PHF21A: variants seen among roughly 807,000 people sequenced by gnomAD.
PHF21A encodes PHD finger protein 21A.
In PHF21A, 11 loss-of-function variants were observed where a neutral mutation model predicts 82.5. The observed-to-expected ratio is 0.13, with a 90% CI of 0.08 to 0.22. The LOEUF (loss-of-function observed/expected upper bound fraction) is 0.22, where lower values mean the gene tolerates loss of function less well. Ranked by LOEUF, PHF21A falls within the 10% of genes least tolerant of loss-of-function variation. The pLI, the probability that PHF21A is intolerant of heterozygous loss-of-function variation, is 1.00. For missense variants in PHF21A, 579 were observed against 837.8 expected (o/e 0.69, Z 3.81); for synonymous variants, 297 against 302.8 (o/e 0.98, Z 0.20).
chr11:46,092,504 A>G (rs1333260813), intron 1 of PHF21A, among the ~76,000 whole-genome samples: 1 of 152,196 alleles, frequency 6.6e-6, no homozygotes, highest in East Asian at 1.9e-4. Context: ...ACACATAGAA[A>G]TGAAATGCAC....
chr11:45,971,109 G>T lies in PHF21A; in HGVS notation c.612+7C>A, dbSNP rs770666758. The T allele has an allele frequency of 1.9e-6, 3 of 1,613,836 alleles. No individual in the cohort carries two copies. In the African/African-American group the frequency reaches 4.0e-5, roughly 22 times the overall value. ...TGATCACACATGAGGAGCAGCTGCT[G>T]GCTTACCAGAGTGACTGTGTTTTTT... is the stretch of plus-strand genomic sequence containing the variant. On this transcript the variant is annotated splice_region_variant and intron_variant, in intron 8 of 18. Coordinates refer to ENST00000676320, the MANE Select transcript of PHF21A (RefSeq NM_001352027.3).
At chr11:45,974,622 T>G (rs1313529325) in intron 7 of PHF21A, among the ~76,000 whole-genome samples, 1 of 151,010 alleles carries the variant, frequency 6.6e-6, no homozygotes, top group African/African-American at 2.4e-5. Flanking sequence ...CCTGGCTAAT[T>G]TTTTTTATTT....
chr11:45,997,203 G>GT (rs1403044100), intron 6 of PHF21A, among the ~76,000 whole-genome samples: 2 of 152,178 alleles, frequency 1.3e-5, no homozygotes, highest in East Asian at 3.8e-4. Context: ...TATGCTTGAT[G>GT]TATGAAACAG....
At chr11:46,106,192 C>G (rs1307315888) in intron 1 of PHF21A, among the ~76,000 whole-genome samples, 1 of 152,144 alleles carries the variant, frequency 6.6e-6, no homozygotes, top group Non-Finnish European at 1.5e-5. Flanking sequence ...AAGATATTTT[C>G]ATTCTACATT....
intron 7 of PHF21A, among the ~76,000 whole-genome samples, chr11:45,974,672 C>A (rs2093943205): frequency 6.6e-6 from 1 of 151,942 alleles, no homozygotes. Context: ...CCAGGCTGGT[C>A]TAGAACTCGC....
intron 6 of PHF21A, among the ~76,000 whole-genome samples, chr11:46,034,224 C>CA (rs1257115829): frequency 2.0e-5 from 3 of 151,434 alleles, no homozygotes; most frequent in East Asian, 3.9e-4. Context: ...TGCCCCCACC[C>CA]CCCCCTTGCA....
At chr11:45,943,121 CTTTTTTTT>C (rs3061870) in intron 15 of PHF21A, among the ~76,000 whole-genome samples, 1 of 112,122 alleles carries the variant, frequency 8.9e-6, no homozygotes, top group African/African-American at 3.4e-5. Context: ...TCTTTCTTTC[CTTTTTTTT>C]TTTTTTTTTT....
chr11:45,940,176 G>A (rs1056251836), intron 15 of PHF21A, among the ~76,000 whole-genome samples: 2 of 151,956 alleles, frequency 1.3e-5, no homozygotes, highest in Non-Finnish European at 2.9e-5. Context: ...ACATCATAGT[G>A]TGGATGGATT....
intron 18 of PHF21A, chr11:45,934,896 G>A (rs2088483291): frequency 5.5e-6 from 2 of 365,024 alleles, no homozygotes; most frequent in South Asian, 2.0e-5. Context: ...CATGCCATGG[G>A]TAGGTATGGT....
intron 18 of PHF21A, chr11:45,934,834 C>T (rs949971055): frequency 2.8e-6 from 1 of 353,876 alleles, no homozygotes; most frequent in Non-Finnish European, 5.6e-6. Context: ...CTTCCCACAC[C>T]TGCTGGCTTC....
chr11:45,972,220 C>T (rs1443617078), intron 7 of PHF21A, among the ~76,000 whole-genome samples: 1 of 151,996 alleles, frequency 6.6e-6, no homozygotes, highest in Non-Finnish European at 1.5e-5. Flanking sequence ...GACTGATGCT[C>T]CTTAAGTGCT....
At chr11:45,982,254 G>A (rs1015063748) in intron 6 of PHF21A, among the ~76,000 whole-genome samples, 1 of 152,088 alleles carries the variant, frequency 6.6e-6, no homozygotes, top group African/African-American at 2.4e-5. Flanking sequence ...ACCACGCCCG[G>A]CTGAGAGGTT....
chr11:45,950,420 G>T (rs1484228622), intron 11 of PHF21A, among the ~76,000 whole-genome samples, 163 bp from the exon 12 acceptor site: 2 of 152,160 alleles, frequency 1.3e-5, no homozygotes, highest in African/African-American at 4.8e-5. Flanking sequence ...CTCTACAGCA[G>T]GGGTGTCCAA....
At chr11:45,963,814 C>A (rs1290513739) in intron 10 of PHF21A, among the ~76,000 whole-genome samples, 2 of 152,310 alleles carry the variant, frequency 1.3e-5, no homozygotes, top group East Asian at 1.9e-4. Flanking sequence ...CACCCAAACT[C>A]CTAAGCTTGA....
At chr11:45,943,187 A>G (rs922245964) in intron 15 of PHF21A, among the ~76,000 whole-genome samples, 1 of 146,068 alleles carries the variant, frequency 6.8e-6, no homozygotes, top group East Asian at 2.0e-4. Context: ...CAGTGGCGCA[A>G]TCATGGCTCA....
intron 10 of PHF21A, among the ~76,000 whole-genome samples, chr11:45,957,751 C>CAAAAAAAAAAAAAAAAAAAAAAAAG: frequency 1.3e-4 from 8 of 60,892 alleles, no homozygotes; most frequent in African/African-American, 1.8e-4. Flanking sequence ...AAATTCAAAG[C>CAAAAAAAAAAAAAAAAAAAAAAAAG]AAAAAAAAAA....
chr11:46,056,230 TTTCA>T (rs1298687199), intron 6 of PHF21A, among the ~76,000 whole-genome samples: 5 of 152,162 alleles, frequency 3.3e-5, no homozygotes, highest in Non-Finnish European at 7.4e-5. Flanking sequence ...GCAATTTTGT[TTTCA>T]TTAAGTCTTT....
intron 1 of PHF21A, among the ~76,000 whole-genome samples, chr11:46,109,352 C>T (rs1159171915): frequency 6.6e-6 from 1 of 152,152 alleles, no homozygotes; most frequent in Admixed American, 6.6e-5. Flanking sequence ...ATAATAAACA[C>T]TCTTTATTAT....
intron 6 of PHF21A, among the ~76,000 whole-genome samples, chr11:46,008,075 A>C (rs752225934): frequency 2.0e-5 from 3 of 152,250 alleles, no homozygotes; most frequent in Non-Finnish European, 4.4e-5. Context: ...ATTAACACGA[A>C]GTGAAGTTCA....
Sources: allele counts gnomAD v4.1 joint callset (sites outside exome capture counted in the v4.1 genomes callset), GRCh38; gene constraint gnomAD v4.1.1; transcripts MANE v1.5; gene names NCBI Gene and HGNC (gene_info 2026-07-23, HGNC 2026-07-21).